The following PHF24 variants were observed in gnomAD, a reference collection of about 807,000 sequenced individuals.
PHF24 encodes the protein PHD finger protein 24, also known as Galpha inhibitory interacting protein.
PHF24 carries 25 observed loss-of-function variants against 42.6 expected under a neutral mutation model. The observed-to-expected ratio is 0.59, with a 90% confidence interval of 0.43 to 0.82. The LOEUF is 0.82. Among genes scored for constraint, PHF24 ranks in the 40% least tolerant of loss-of-function variants. PHF24 has a pLI of 0.00. For missense variants in PHF24, 470 were observed against 538.1 expected (o/e 0.87, Z 1.25); for synonymous variants, 185 against 204.8 (o/e 0.90, Z 0.83).
chr9:34,823,838 C>T, the PHF24 span, among the ~76,000 whole-genome samples: 2 of 152,082 alleles, frequency 1.3e-5, no homozygotes, highest in African/African-American at 4.8e-5. Flanking sequence ...TTCAGCCCTA[C>T]CTGTGATGAT....
chr9:34,843,373 T>G, the PHF24 span, among the ~76,000 whole-genome samples: 5,922 of 152,238 alleles, frequency 0.039, 292 homozygotes, highest in African/African-American at 0.1. Flanking sequence ...AAAATAAAAA[T>G]TGTAACAAGT....
the PHF24 span, among the ~76,000 whole-genome samples, chr9:34,873,956 A>C: frequency 1.3e-5 from 2 of 152,084 alleles, no homozygotes; most frequent in Admixed American, 1.3e-4. Flanking sequence ...ATTCTCTTTG[A>C]AGCAATTGTG....
At chr9:34,949,473 G>A in the PHF24 span, among the ~76,000 whole-genome samples, 7 of 152,218 alleles carry the variant, frequency 4.6e-5, no homozygotes, top group Middle Eastern at 3.4e-3. Context: ...AGAAATGCCC[G>A]TTTGACCCAG....
chr9:34,781,449 G>A, the PHF24 span, among the ~76,000 whole-genome samples: 513 of 152,296 alleles, frequency 3.4e-3, 3 homozygotes, highest in African/African-American at 0.012. Context: ...TTGGAGGCAA[G>A]GAGAGCGGGG....
At chr9:34,755,492 AT>A in the PHF24 span, among the ~76,000 whole-genome samples, 3 of 151,410 alleles carry the variant, frequency 2.0e-5, no homozygotes, top group Non-Finnish European at 4.4e-5. Flanking sequence ...GATGTTGAGC[AT>A]TTTTTTTGTA....
chr9:34,957,876 G>A (rs1034202364), upstream of PHF24, among the ~76,000 whole-genome samples: 12 of 150,212 alleles, frequency 8.0e-5, no homozygotes, highest in South Asian at 2.2e-4. Context: ...CGGCCCCAGC[G>A]CCCCCAAGGC....
At chr9:34,841,883 T>A in the PHF24 span, among the ~76,000 whole-genome samples, 2 of 152,326 alleles carry the variant, frequency 1.3e-5, no homozygotes, top group East Asian at 1.9e-4. Flanking sequence ...AGTGAACAAT[T>A]TGATAAATTT....
At chr9:34,970,676 C>A (rs1826941519) in intron 1 of PHF24, among the ~76,000 whole-genome samples, 1 of 152,200 alleles carries the variant, frequency 6.6e-6, no homozygotes, top group Non-Finnish European at 1.5e-5. Context: ...TGCCAGCTTG[C>A]TTTAAGCCTT....
chr9:34,707,167 C>T, the PHF24 span, among the ~76,000 whole-genome samples: 2 of 152,054 alleles, frequency 1.3e-5, no homozygotes, highest in African/African-American at 2.4e-5. Flanking sequence ...TAGATGGCTT[C>T]GGGGGTATCT....
chr9:34,851,705 G>C, the PHF24 span, among the ~76,000 whole-genome samples: 1 of 152,132 alleles, frequency 6.6e-6, no homozygotes, highest in East Asian at 1.9e-4. Context: ...GCTCACGCTG[G>C]GAGCTGTAGA....
chr9:34,690,115 G>A, the PHF24 span: 78 of 1,582,796 alleles, frequency 4.9e-5, no homozygotes, highest in East Asian at 1.6e-3. Flanking sequence ...TCCTTGAAGG[G>A]GTTGGGCTTG....
chr9:34,958,187 C>A, upstream of PHF24: 1 of 150,666 alleles, frequency 6.6e-6, no homozygotes, highest in South Asian at 1.8e-4. This position sits in a 1 kb window ranked among gnomAD's most constrained non-coding sequence, Gnocchi z 4.5. Flanking sequence ...GTGCACACGC[C>A]GCAGCCCCCC....
the PHF24 span, among the ~76,000 whole-genome samples, chr9:34,769,551 G>C: frequency 6.6e-6 from 1 of 152,144 alleles, no homozygotes; most frequent in Non-Finnish European, 1.5e-5. Flanking sequence ...TGGTTAGGGG[G>C]CCCAATTAGA....
At chr9:34,975,283 A>G (rs1456608269) in intron 3 of PHF24, among the ~76,000 whole-genome samples, 1 of 152,198 alleles carries the variant, frequency 6.6e-6, no homozygotes, top group East Asian at 1.9e-4. Context: ...GTTACACACC[A>G]CTGTGGCGCC....
the PHF24 span, among the ~76,000 whole-genome samples, chr9:34,886,787 GTCTATCTAC>G: frequency 8.2e-6 from 1 of 121,652 alleles, no homozygotes; most frequent in African/African-American, 3.2e-5. Flanking sequence ...TGTCTACTCT[GTCTATCTAC>G]TCTATCTATG....
the PHF24 span, among the ~76,000 whole-genome samples, chr9:34,846,229 G>A: frequency 6.6e-6 from 1 of 152,174 alleles, no homozygotes; most frequent in Non-Finnish European, 1.5e-5. Flanking sequence ...GTGTAAAAGT[G>A]TTCCTATTTC....
chr9:34,881,056 C>A, the PHF24 span, among the ~76,000 whole-genome samples: 1 of 152,196 alleles, frequency 6.6e-6, no homozygotes, highest in Admixed American at 6.5e-5. Flanking sequence ...TTAAGAAACT[C>A]GCTCAAAACC....
the PHF24 span, among the ~76,000 whole-genome samples, chr9:34,794,143 C>A: frequency 6.6e-6 from 1 of 152,130 alleles, no homozygotes; most frequent in African/African-American, 2.4e-5. Flanking sequence ...CTATAAACAG[C>A]ACTTGCAATC....
the PHF24 span, chr9:34,723,163 C>T: frequency 4.0e-6 from 6 of 1,482,822 alleles, no homozygotes; most frequent in Middle Eastern, 2.1e-4. Flanking sequence ...AGCCTATAAA[C>T]TCTTTTTCAT....
Sources: allele counts gnomAD v4.1 joint callset (sites outside exome capture counted in the v4.1 genomes callset), GRCh38; gene constraint gnomAD v4.1.1; non-coding constraint Gnocchi (gnomAD v3.1); transcripts MANE v1.5; gene names NCBI Gene and HGNC (gene_info 2026-07-23, HGNC 2026-07-21).